Variants in GRIA1 observed in about 807,000 individuals in gnomAD.
GRIA1 encodes glutamate receptor 1.
Under a neutral mutation model 99.2 loss-of-function variants are expected in GRIA1, and 31 were observed. That is an observed-to-expected ratio of 0.31 (90% confidence interval 0.23 to 0.42). The LOEUF is 0.42. GRIA1 is among the 10% of genes least tolerant of loss of function. GRIA1 has a pLI of 1.00. For missense variants in GRIA1, 782 were observed against 1,157.5 expected (o/e 0.68, Z 4.71); for synonymous variants, 438 against 432.4 (o/e 1.01, Z -0.16).
chr5:153,532,830 C>T (rs1758209194), intron 2 of GRIA1, among the ~76,000 whole-genome samples: 1 of 152,094 alleles, frequency 6.6e-6, no homozygotes, highest in South Asian at 2.1e-4. Flanking sequence ...CTTGAGCAAG[C>T]CCCTTTACTT....
chr5:153,597,732 G>A (rs935269295), intron 2 of GRIA1, among the ~76,000 whole-genome samples: 2 of 152,044 alleles, frequency 1.3e-5, no homozygotes, highest in South Asian at 2.1e-4. Flanking sequence ...GTCTAGCTGG[G>A]TCCAGTGGCT....
intron 11 of GRIA1, among the ~76,000 whole-genome samples, chr5:153,729,526 G>T (rs1760856513): frequency 1.3e-5 from 2 of 152,008 alleles, no homozygotes; most frequent in African/African-American, 4.8e-5. Context: ...TGGAGGTATT[G>T]GCTAAATCAC....
At chr5:153,608,813 C>G (rs1179924515) in intron 2 of GRIA1, among the ~76,000 whole-genome samples, 2 of 151,948 alleles carry the variant, frequency 1.3e-5, no homozygotes, top group African/African-American at 4.8e-5. Context: ...TTACTGCGTT[C>G]TGGACATTGA....
chr5:153,769,867 TA>T (rs1048693061), intron 12 of GRIA1, among the ~76,000 whole-genome samples: 2 of 152,066 alleles, frequency 1.3e-5, no homozygotes, highest in Non-Finnish European at 2.9e-5. Flanking sequence ...TTAATGTATT[TA>T]AAAGTCAGGC....
intron 2 of GRIA1, among the ~76,000 whole-genome samples, chr5:153,601,652 T>C (rs559423973): frequency 6.6e-6 from 1 of 152,338 alleles, no homozygotes; most frequent in African/African-American, 2.4e-5. Context: ...CATGGCCAAG[T>C]GGCCAGAGAA....
chr5:153,812,418 T>G lies in GRIA1; in HGVS notation c.*1193T>G, dbSNP rs1043090437. 6.6e-6 allele frequency: 1 copy of G among 152,252 alleles called. No individual in the cohort carries two copies. Among genetic ancestry groups the G allele is most frequent in the Non-Finnish European group, 1.5e-5 (1 of 68,042 alleles). The allele number at this position is 152,252 out of a possible 1,614,324, so 9.4% of individuals were successfully genotyped here. A position where few individuals can be genotyped will look rare whatever the true frequency, so the allele number is the denominator to read the frequency against. ...AAAACACGTATGAAGTTTATGCTGA[T>G]GCAAAGAACTTGGGTTTTTATGTTA... On this transcript the variant is annotated 3_prime_UTR_variant, in exon 16 of 16. Coordinates refer to ENST00000285900, the MANE Select transcript of GRIA1 (RefSeq NM_000827.4).
chr5:153,786,396 C>T (rs560871422), intron 13 of GRIA1, among the ~76,000 whole-genome samples: 1 of 152,060 alleles, frequency 6.6e-6, no homozygotes, highest in Admixed American at 6.6e-5. Context: ...TCACCTCTCT[C>T]CTCTTTTGGT....
intron 2 of GRIA1, among the ~76,000 whole-genome samples, chr5:153,631,690 T>C (rs1451634183): frequency 1.3e-5 from 2 of 152,128 alleles, no homozygotes; most frequent in Admixed American, 6.5e-5. Context: ...CTTCACAGTG[T>C]TTTAAGTTTT....
In GRIA1 at chr5:153,770,415, G is replaced by A; in HGVS notation, c.2270G>A (p.Arg757Lys). Reference sequence around the variant, plus strand: ...GCAACACCCAAGGGGTCTGCCCTGAGGTAAGTAGCCAAGATTTGCTTCCTT... The same window carrying A: ...GCAACACCCAAGGGGTCTGCCCTGAAGTAAGTAGCCAAGATTTGCTTCCTT... ...GIATPKGSAL[R>K]NPVNLAVLKL... is the part of the protein sequence containing the mutation. The change falls in exon 13 of 16, where the codon AGA becomes AAA. Residue 757 changes from arginine (R) to lysine (K), a missense_variant and splice_region_variant. Around this residue, in one of 5 missense-constraint regions of GRIA1, gnomAD observed 119 missense variants for 326.6 expected, o/e 0.36. Coordinates refer to ENST00000285900, the MANE Select transcript of GRIA1 (RefSeq NM_000827.4). 1 of 1,609,822 alleles carries A rather than the reference G, an allele frequency of 6.2e-7. No individual in the cohort carries two copies. The highest frequency in any genetic ancestry group is 1.1e-5 in the South Asian group (1 of 90,976).
intron 11 of GRIA1, among the ~76,000 whole-genome samples, chr5:153,753,438 T>A (rs779006972): frequency 5.3e-5 from 8 of 152,118 alleles, no homozygotes; most frequent in Non-Finnish European, 1.0e-4. Flanking sequence ...CATAAATGAA[T>A]CAGAATTAGG....
intron 11 of GRIA1, among the ~76,000 whole-genome samples, chr5:153,726,117 G>A (rs2149549261): frequency 6.6e-6 from 1 of 152,236 alleles, no homozygotes; most frequent in South Asian, 2.1e-4. Context: ...CATGGAAACT[G>A]AACAACCTGC....
intron 2 of GRIA1, among the ~76,000 whole-genome samples, chr5:153,645,465 A>G (rs1241484372): frequency 6.6e-6 from 1 of 152,230 alleles, no homozygotes; most frequent in Non-Finnish European, 1.5e-5. Context: ...TTTCAATAAC[A>G]TTTCAAAAGT....
intron 5 of GRIA1, among the ~76,000 whole-genome samples, chr5:153,664,139 C>T (rs1390992727): frequency 6.6e-6 from 1 of 152,092 alleles, no homozygotes; most frequent in Non-Finnish European, 1.5e-5. Context: ...CTTTTTAAGA[C>T]AGAAAAATAG....
chr5:153,536,107 C>A (rs1353090), intron 2 of GRIA1, among the ~76,000 whole-genome samples: 7,637 of 152,232 alleles, frequency 0.05, 263 homozygotes, highest in Non-Finnish European at 0.076. Flanking sequence ...CTGACCCTGT[C>A]CCATCTCAAT....
chr5:153,604,768 A>T (rs1472468321), intron 2 of GRIA1, among the ~76,000 whole-genome samples: 1 of 152,242 alleles, frequency 6.6e-6, no homozygotes, highest in Non-Finnish European at 1.5e-5. Flanking sequence ...CTTAAACAAA[A>T]TATAAAACCA....
rs544492235 is a variant in GRIA1 at position 153,743,356 on chromosome 5, G to GTGACT, written c.1824-21074_1824-21070dup. On this transcript the variant is annotated intron_variant, in intron 11 of 15. Transcript: ENST00000285900. ...CTATAGGTCAGAAGTCCAGTAGGCT[G>GTGACT]TGACTTGATTCTCTGCTCAGGTTCT... 2.3e-4 allele frequency among the ~76,000 whole-genome samples: 35 copies of GTGACT among 152,298 alleles called. No homozygotes were observed. The East Asian group carries it at 6.0e-3, about 26-fold the overall frequency.
At chr5:153,679,074 T>C (rs1227800376) in intron 7 of GRIA1, among the ~76,000 whole-genome samples, 1 of 152,212 alleles carries the variant, frequency 6.6e-6, no homozygotes, top group Non-Finnish European at 1.5e-5. Flanking sequence ...GCAGTTTCCA[T>C]AGTCAAAAGA....
chr5:153,721,974 A>T (rs1175190167), intron 11 of GRIA1, among the ~76,000 whole-genome samples: 1 of 152,234 alleles, frequency 6.6e-6, no homozygotes, highest in Non-Finnish European at 1.5e-5. Flanking sequence ...TCAGCAATGT[A>T]TATGAGTTCC....
At position 153,583,359 on chromosome 5, in the gene GRIA1, GAA is replaced by G. The variant is rs1338866628; in HGVS notation, c.221-63567_221-63566del. Among the ~76,000 whole-genome samples the G allele has an allele frequency of 4.6e-5, 7 of 152,296 alleles. No homozygotes were observed. The East Asian group carries it at 1.4e-3, about 29-fold the overall frequency. On this transcript the variant is annotated intron_variant, in intron 2 of 15. Coordinates refer to ENST00000285900, the MANE Select transcript of GRIA1 (RefSeq NM_000827.4). ...GTTCTGAAGGATAGAAGTCTGAAAT[GAA>G]AGTGTTGCTAGGGCTGTGCTCTCTC...
Sources: gnomAD v4.1 joint callset for allele counts (sites outside exome capture counted in the v4.1 genomes callset) on GRCh38, gnomAD v4.1.1 for gene constraint, gnomAD v4.1.1 regional missense constraint, MANE v1.5 for transcripts, NCBI Gene and HGNC (gene_info 2026-07-23, HGNC 2026-07-21) for gene names.